Variants in ANKRD18A observed in about 807,000 individuals in gnomAD.
ANKRD18A encodes ankyrin repeat domain-containing protein 18A.
In ANKRD18A, 72 loss-of-function variants were observed where a neutral mutation model predicts 110.6. The observed-to-expected ratio is 0.65, with a 90% CI of 0.54 to 0.79. The LOEUF is 0.79. ANKRD18A is among the 30% of genes least tolerant of loss of function. The pLI, the probability that ANKRD18A is intolerant of heterozygous loss-of-function variation, is 0.00. For synonymous variants in ANKRD18A, 305 were observed against 410.3 expected, an observed-to-expected ratio of 0.74 and a Z score of 3.10; for missense variants, 934 against 1,163.3, an observed-to-expected ratio of 0.80 and a Z score of 2.87.
At chr9:38,588,246 C>T (rs938832287) in intron 11 of ANKRD18A, among the ~76,000 whole-genome samples, 1 of 152,118 alleles carries the variant, frequency 6.6e-6, no homozygotes, top group African/African-American at 2.4e-5. Context: ...CCCCGTTTCT[C>T]CCCTTCCATT....
chr9:38,619,518 T>G (rs1009039672), intron 1 of ANKRD18A, among the ~76,000 whole-genome samples: 1 of 152,204 alleles, frequency 6.6e-6, no homozygotes, highest in African/African-American at 2.4e-5. Flanking sequence ...TTATAAACAT[T>G]TTTAAATGTC....
At chr9:38,610,444 C>A in intron 4 of ANKRD18A, 34 bp from the exon 5 acceptor site, 1 of 1,520,368 alleles carries the variant, frequency 6.6e-7, no homozygotes, top group Non-Finnish European at 8.8e-7. Context: ...CACTCAAGAA[C>A]TTTGATGAAG....
intron 7 of ANKRD18A, 42 bp downstream of exon 7, chr9:38,603,117 G>C (rs1825198523): frequency 6.6e-7 from 1 of 1,522,330 alleles, no homozygotes; most frequent in Admixed American, 2.1e-5. Context: ...TTGTCTCCCA[G>C]TCTCTTTACA....
chr9:38,601,882 T>C (rs920269614), intron 7 of ANKRD18A, among the ~76,000 whole-genome samples: 1 of 151,310 alleles, frequency 6.6e-6, no homozygotes, highest in Non-Finnish European at 1.5e-5. Flanking sequence ...ACTCAAGAGG[T>C]TGAGGCAAGA....
At chr9:38,575,355 C>T in intron 15 of ANKRD18A, 121 bp downstream of exon 15, 1 of 1,100,566 alleles carries the variant, frequency 9.1e-7, no homozygotes, top group Non-Finnish European at 1.3e-6. Flanking sequence ...TGTGTTAACA[C>T]AGCTAATTAT....
intron 3 of ANKRD18A, among the ~76,000 whole-genome samples, chr9:38,612,631 C>A (rs1215285777): frequency 6.6e-6 from 1 of 150,662 alleles, no homozygotes; most frequent in Non-Finnish European, 1.5e-5. Context: ...CATTCTCCTG[C>A]CTCAGCCTCC....
chr9:38,612,452 A>G (rs1825662138), intron 3 of ANKRD18A, among the ~76,000 whole-genome samples: 1 of 151,882 alleles, frequency 6.6e-6, no homozygotes, highest in Non-Finnish European at 1.5e-5. Context: ...AAAAAGTGCT[A>G]ATACTGATGT....
chr9:38,615,465 T>C, intron 3 of ANKRD18A, 129 bp downstream of exon 3: 1 of 1,316,624 alleles, frequency 7.6e-7, no homozygotes, highest in Non-Finnish European at 1.0e-6. Context: ...ATATTTAAAG[T>C]AAAATTTTAG....
At chr9:38,588,502 T>C in intron 11 of ANKRD18A, 49 bp downstream of exon 11, 1 of 1,165,138 alleles carries the variant, frequency 8.6e-7, no homozygotes, top group Non-Finnish European at 1.1e-6. Flanking sequence ...AAGTTAGAGT[T>C]AAATCAATTA....
At chr9:38,607,810 T>G (rs1216029517) in intron 5 of ANKRD18A, among the ~76,000 whole-genome samples, 1 of 152,248 alleles carries the variant, frequency 6.6e-6, no homozygotes, top group Non-Finnish European at 1.5e-5. Context: ...TTCAGACCAG[T>G]TGCTTCTCTT....
At position 38,578,076 on chromosome 9, in the gene ANKRD18A, G is replaced by A. The variant is rs1262177959; in HGVS notation, c.2320C>T (p.Leu774Phe). The change falls in exon 13 of 16, where the codon CTT becomes TTT. Residue 774 changes from leucine to phenylalanine, a missense_variant. Leu to Phe is a conservative substitution (Grantham distance 22, BLOSUM62 0). Around this residue, in one of 4 missense-constraint regions of ANKRD18A, gnomAD observed 79 missense variants for 122.8 expected, o/e 0.64. Coordinates refer to ENST00000399703, the MANE Select transcript of ANKRD18A (RefSeq NM_147195.4). ...CVNLAKDNEV[L>F]HQELLSMRNV... The stretch of plus-strand genomic sequence containing the variant: ...CTCATAGATAATAACTCCTGATGAA[G>A]AACTTCATTGTCTTTGGCCAAATTG... The A allele has an allele frequency of 6.5e-7, 1 of 1,550,326 alleles. No individual in the cohort carries two copies. Among genetic ancestry groups the A allele is most frequent in the Non-Finnish European group, 8.7e-7 (1 of 1,146,492 alleles).
Position 38,620,263 on chromosome 9 carries a change from C to G in ANKRD18A, c.23G>C (p.Gly8Ala), listed in dbSNP as rs1587556065. Residue 8 changes from glycine (G) to alanine (A), a missense_variant, in exon 1 of 16, where the codon GGG becomes GCG. Gly to Ala is a moderately conservative substitution (Grantham distance 60, BLOSUM62 0). This residue lies in a region of ANKRD18A where 630 missense variants were observed against 797.5 expected (regional missense o/e 0.79). Coordinates refer to ENST00000399703, the MANE Select transcript of ANKRD18A (RefSeq NM_147195.4). ...CAGGAGCGCCTGGCCCAGGCGTCTCCCGAAGCTGAAGAGCTTCCTCATGGT... is the reference window on the plus strand; with the variant it reads ...CAGGAGCGCCTGGCCCAGGCGTCTCGCGAAGCTGAAGAGCTTCCTCATGGT... MRKLFSF[G>A]RRLGQALLSS... The G allele has an allele frequency of 1.9e-6, 3 of 1,551,048 alleles. No individual in the cohort carries two copies. The highest frequency in any genetic ancestry group is 1.4e-5 in the African/African-American group (1 of 73,012).
intron 12 of ANKRD18A, among the ~76,000 whole-genome samples, chr9:38,580,926 T>C (rs537540917): frequency 1.3e-5 from 2 of 151,954 alleles, no homozygotes; most frequent in African/African-American, 4.8e-5. Flanking sequence ...GGAGTGCCAG[T>C]GTCGGTGTTC....
At chr9:38,568,919 T>G (rs542439862), downstream of ANKRD18A, 3 of 985,452 alleles carry the variant, frequency 3.0e-6, no homozygotes, top group African/African-American at 5.2e-5. Context: ...GATGACAAGA[T>G]GCTGCTGGCT....
chr9:38,613,225 A>G (rs138954373), intron 3 of ANKRD18A, among the ~76,000 whole-genome samples: 72,247 of 147,762 alleles, frequency 0.49, 18,795 homozygotes, highest in South Asian at 0.63. Context: ...TCTGCGCAGC[A>G]GACCAAGCAG....
At chr9:38,605,343 A>G (rs764328254) in intron 6 of ANKRD18A, among the ~76,000 whole-genome samples, 1 of 152,210 alleles carries the variant, frequency 6.6e-6, no homozygotes, top group African/African-American at 2.4e-5. Flanking sequence ...ACAAAAATTA[A>G]ATAGTTATCT....
At chr9:38,572,999 C>A in intron 15 of ANKRD18A, 1 of 821,154 alleles carries the variant, frequency 1.2e-6, no homozygotes. Flanking sequence ...TCTACTAACC[C>A]AACAATGAAA....
At chr9:38,603,396 A>G (rs1825215572) in intron 6 of ANKRD18A, among the ~76,000 whole-genome samples, 184 bp from the exon 7 acceptor site, 1 of 152,216 alleles carries the variant, frequency 6.6e-6, no homozygotes, top group African/African-American at 2.4e-5. Context: ...CCAAATACAC[A>G]GTAAATAATA....
At chr9:38,613,782 AG>A (rs1302597684) in intron 3 of ANKRD18A, among the ~76,000 whole-genome samples, 1 of 152,236 alleles carries the variant, frequency 6.6e-6, no homozygotes, top group Non-Finnish European at 1.5e-5. Flanking sequence ...TGAAACAAAA[AG>A]GTTCAAGATT....
Sources: gnomAD v4.1 joint callset for allele counts (sites outside exome capture counted in the v4.1 genomes callset) on GRCh38, gnomAD v4.1.1 for gene constraint, gnomAD v4.1.1 regional missense constraint, MANE v1.5 for transcripts, NCBI Gene and HGNC (gene_info 2026-07-23, HGNC 2026-07-21) for gene names.